The following CACNA1A variants were observed in gnomAD, a reference collection of about 807,000 sequenced individuals.
CACNA1A encodes the protein calcium voltage-gated channel subunit alpha1 A.
CACNA1A carries 57 observed loss-of-function variants against 262.4 expected under a neutral mutation model. The ratio of observed to expected loss-of-function variants is 0.22; its 90% CI spans 0.18 to 0.27. The LOEUF is 0.27. Among genes scored for constraint, CACNA1A ranks in the 10% least tolerant of loss-of-function variants. The probability of loss-of-function intolerance (pLI) is 1.00; values close to 1 mark genes in which losing one functional copy is unlikely to be tolerated. For synonymous variants in CACNA1A, 1,431 were observed against 1,419.3 expected (o/e 1.01, Z -0.18); for missense variants, 2,526 against 3,562.8 (o/e 0.71, Z 7.41).
chr19:13,245,422 T>C (rs2056203377), intron 30 of CACNA1A, 157 bp from the exon 31 acceptor site: 2 of 645,032 alleles, frequency 3.1e-6, no homozygotes, highest in African/African-American at 3.6e-5. Context: ...CTGTTCGACA[T>C]CATCTGTGCT....
intron 36 of CACNA1A, chr19:13,228,852 G>T: frequency 2.0e-6 from 2 of 987,120 alleles, no homozygotes; most frequent in Non-Finnish European, 3.1e-6. Context: ...GGCTCCCTGG[G>T]CACACAGCGA....
At position 13,298,967 on chromosome 19, in the gene CACNA1A, G is replaced by C. The variant is rs2057731898; in HGVS notation, c.2666C>G (p.Ala889Gly). The C allele has an allele frequency of 6.3e-7, 1 of 1,585,990 alleles. No homozygotes were observed. The highest frequency in any genetic ancestry group is 2.3e-5 in the East Asian group (1 of 44,086). The change falls in exon 19 of 47, where the codon GCC (alanine) becomes GGC (glycine). Residue 889 changes from alanine (A) to glycine (G), a missense_variant. Physicochemically the swap from Ala to Gly is moderately conservative, Grantham distance 60. This residue lies in a region of CACNA1A where 765 missense variants were observed against 748.6 expected (regional missense o/e 1.02). Transcript: ENST00000360228. ...ARRPWAGSQE[A>G]ELSREGPYGR... The stretch of plus-strand genomic sequence containing the variant: ...GTAGGGTCCCTCCCGGCTCAGCTCG[G>C]CCTCCTGGCTTCCCGCCCAGGGCCT...
Position 13,399,990 on chromosome 19 carries a change from T to C in CACNA1A, c.540-28211A>G, listed in dbSNP as rs1352715531. ...ATCTTTCTGAGCCTCAGTTGTCTCA[T>C]CTGTAAAATGGGGAGAGTAAAAATA... On this transcript the variant is annotated intron_variant, in intron 3 of 46. Transcript: ENST00000360228. Among the ~76,000 whole-genome samples the C allele has an allele frequency of 3.3e-5, 5 of 152,140 alleles. 1 individual carries two copies. Among genetic ancestry groups the C allele is most frequent in the Admixed American group, 1.3e-4 (2 of 15,272 alleles).
Position 13,299,210 on chromosome 19 carries a change from G to A in CACNA1A, c.2423C>T (p.Thr808Met), listed in dbSNP as rs748099275. The A allele has an allele frequency of 2.5e-6, 4 of 1,611,768 alleles. No individual in the cohort carries two copies. Among genetic ancestry groups the A allele is most frequent in the African/African-American group, 1.3e-5 (1 of 74,946 alleles). The change falls in exon 19 of 47, where the codon ACG (threonine) becomes ATG (methionine). Residue 808 changes from threonine to methionine, a missense_variant. Coordinates refer to ENST00000360228, the MANE Select transcript of CACNA1A (RefSeq NM_001127222.2). ...CTTCATGTCTGGCCGCAGGTGCCGC[G>A]TGTAGGCAGCCTTCCAGCGCTCGTC... ...DPDERWKAAY[T>M]RHLRPDMKTH...
At chr19:13,481,361 C>G (rs948236977) in intron 1 of CACNA1A, among the ~76,000 whole-genome samples, 1 of 152,202 alleles carries the variant, frequency 6.6e-6, no homozygotes, top group African/African-American at 2.4e-5. Context: ...CCTCATTGTC[C>G]TAGACCTGGG....
At chr19:13,341,370 C>T (rs556999080) in intron 6 of CACNA1A, among the ~76,000 whole-genome samples, 2 of 151,946 alleles carry the variant, frequency 1.3e-5, no homozygotes, top group South Asian at 4.2e-4. Context: ...TCCTGAACTG[C>T]GAGAGAATAA....
chr19:13,440,383 G>C (rs1380618527), intron 3 of CACNA1A, among the ~76,000 whole-genome samples: 1 of 152,204 alleles, frequency 6.6e-6, no homozygotes, highest in African/African-American at 2.4e-5. Flanking sequence ...ATAGAAAGGG[G>C]AGGATTCTCC....
At chr19:13,490,794 GAGAA>G (rs775270989) in intron 1 of CACNA1A, among the ~76,000 whole-genome samples, 2 of 145,698 alleles carry the variant, frequency 1.4e-5, no homozygotes, top group Non-Finnish European at 3.0e-5. Context: ...AGAAAGGAAA[GAGAA>G]AGGAAAAAGG....
At chr19:13,310,974 G>T (rs946804042) in intron 12 of CACNA1A, among the ~76,000 whole-genome samples, 1 of 152,034 alleles carries the variant, frequency 6.6e-6, no homozygotes, top group East Asian at 1.9e-4. Flanking sequence ...TATTTTTTTA[G>T]TATAGACGGG....
At chr19:13,370,280 T>C (rs1048070936) in intron 4 of CACNA1A, among the ~76,000 whole-genome samples, 3 of 152,050 alleles carry the variant, frequency 2.0e-5, no homozygotes, top group Non-Finnish European at 2.9e-5. Context: ...TTTGTATTTT[T>C]AGTAGAGACG....
intron 3 of CACNA1A, among the ~76,000 whole-genome samples, chr19:13,413,007 T>G (rs920332270): frequency 6.6e-6 from 1 of 152,070 alleles, no homozygotes; most frequent in African/African-American, 2.4e-5. Flanking sequence ...TCCCAAGGCT[T>G]TGGGAGGCAC....
At chr19:13,336,584 AGAGAGAGAGG>A (rs796883032) in intron 6 of CACNA1A, among the ~76,000 whole-genome samples, 1 of 101,882 alleles carries the variant, frequency 9.8e-6, no homozygotes, top group African/African-American at 3.3e-5. Context: ...AGAGAGACAG[AGAGAGAGAGG>A]GAGAGAGAGA....
intron 24 of CACNA1A, among the ~76,000 whole-genome samples, chr19:13,265,533 A>G (rs910765410): frequency 1.3e-5 from 2 of 152,200 alleles, no homozygotes; most frequent in African/African-American, 4.8e-5. Flanking sequence ...CATCATCATT[A>G]TCATCTCAAG....
At chr19:13,498,464 T>G (rs1285279831) in intron 1 of CACNA1A, among the ~76,000 whole-genome samples, 1 of 152,092 alleles carries the variant, frequency 6.6e-6, no homozygotes, top group Non-Finnish European at 1.5e-5. Context: ...GAGAGGGGAC[T>G]CTTGAATCCT....
At chr19:13,357,036 C>CTATGA (rs1201209167) in intron 6 of CACNA1A, among the ~76,000 whole-genome samples, 1 of 152,128 alleles carries the variant, frequency 6.6e-6, no homozygotes, top group Non-Finnish European at 1.5e-5. Flanking sequence ...CGTATGTTGT[C>CTATGA]TATGATATGA....
At chr19:13,391,923 G>C (rs1318488718) in intron 3 of CACNA1A, among the ~76,000 whole-genome samples, 1 of 151,542 alleles carries the variant, frequency 6.6e-6, no homozygotes, top group East Asian at 1.9e-4. Context: ...TGTAGCCCCA[G>C]CTACTCGGGA....
chr19:13,276,034 C>G (rs2057139183), intron 23 of CACNA1A, 78 bp from the exon 24 acceptor site: 1 of 907,110 alleles, frequency 1.1e-6, no homozygotes, highest in Admixed American at 2.1e-5. Context: ...TCTCTAGCCT[C>G]TCGGGGAGAG....
intron 1 of CACNA1A, among the ~76,000 whole-genome samples, chr19:13,499,643 G>A (rs1227133763): frequency 6.6e-6 from 1 of 152,112 alleles, no homozygotes; most frequent in Non-Finnish European, 1.5e-5. Flanking sequence ...GCCCTCCAAG[G>A]GAGATGCTAC....
intron 31 of CACNA1A, chr19:13,243,550 T>C (rs576569561): frequency 3.2e-4 from 9 of 28,290 alleles, no homozygotes; most frequent in Non-Finnish European, 4.8e-4. Context: ...GAAGATCAGT[T>C]TTCTTTCTTT....
Sources: allele counts gnomAD v4.1 joint callset (sites outside exome capture counted in the v4.1 genomes callset), GRCh38; gene constraint gnomAD v4.1.1; regional missense constraint gnomAD v4.1.1; transcripts MANE v1.5; gene names NCBI Gene and HGNC (gene_info 2026-07-23, HGNC 2026-07-21).